RNF212B: variants seen among roughly 807,000 people sequenced by gnomAD.
RNF212B encodes E3 ubiquitin-protein ligase RNF212B.
RNF212B carries 52 observed loss-of-function variants against 55.5 expected under a neutral mutation model. The ratio of observed to expected loss-of-function variants is 0.94; its 90% CI spans 0.75 to 1.18. RNF212B has a LOEUF of 1.18. Ranked by LOEUF, RNF212B falls within the 50% of genes most tolerant of loss-of-function variation. The pLI is 0.00. For missense variants in RNF212B, 289 were observed against 350.4 expected, an observed-to-expected ratio of 0.82 and a Z score of 1.40; for synonymous variants, 99 against 121.4, an observed-to-expected ratio of 0.82 and a Z score of 1.21.
At chr14:23,240,870 T>C (rs893449209) in intron 2 of RNF212B, among the ~76,000 whole-genome samples, 2 of 152,196 alleles carry the variant, frequency 1.3e-5, no homozygotes, top group African/African-American at 4.8e-5. Flanking sequence ...CTTTGCAGCT[T>C]AAAAAGCAGT....
At chr14:23,217,255 T>TGG (rs374552073) in intron 2 of RNF212B, among the ~76,000 whole-genome samples, 2,305 of 23,384 alleles carry the variant, frequency 0.099, 79 homozygotes, top group African/African-American at 0.2. Context: ...GTGGCAGTGG[T>TGG]GGGGGGGGGG....
chr14:23,226,536 C>CA (rs1339425058), intron 2 of RNF212B, among the ~76,000 whole-genome samples: 2 of 151,864 alleles, frequency 1.3e-5, no homozygotes, highest in Admixed American at 6.6e-5. Context: ...GAGGCTGAGG[C>CA]AGGAGAATGG....
intron 2 of RNF212B, among the ~76,000 whole-genome samples, chr14:23,221,231 A>AG (rs1335623748): frequency 6.9e-6 from 1 of 144,364 alleles, no homozygotes; most frequent in African/African-American, 2.5e-5. Flanking sequence ...TACTGAAAAT[A>AG]GGAAAAAAAA....
chr14:23,257,950 T>C (rs1368259224), intron 4 of RNF212B, among the ~76,000 whole-genome samples: 2 of 152,154 alleles, frequency 1.3e-5, no homozygotes, highest in African/African-American at 2.4e-5. Flanking sequence ...ATTCTAAGCT[T>C]GAAAAACAGT....
chr14:23,255,740 C>T (rs1884780775), intron 4 of RNF212B, among the ~76,000 whole-genome samples: 1 of 152,090 alleles, frequency 6.6e-6, no homozygotes, highest in African/African-American at 2.4e-5. Context: ...AGCAAGCAAA[C>T]AAAAGTTAAT....
chr14:23,242,081 CAAAAAAAAAAAAAAA>C (rs58497672), intron 2 of RNF212B, among the ~76,000 whole-genome samples: 2 of 36,646 alleles, frequency 5.5e-5, no homozygotes, highest in South Asian at 2.5e-3. Flanking sequence ...GACTCCGTCT[CAAAAAAAAAAAAAAA>C]AAAAAAAAAA....
chr14:23,240,034 C>CA (rs5807213), intron 1 of RNF212B, among the ~76,000 whole-genome samples: 2,590 of 138,298 alleles, frequency 0.019, 52 homozygotes, highest in African/African-American at 0.05. Context: ...CCTCACCACT[C>CA]AAAAAAAAAA....
At position 23,272,952 on chromosome 14, in the gene RNF212B, C is replaced by A; in HGVS notation, c.*61C>A. ...AGGATGGACTGTAGCTTCCAGTACG[C>A]ATTAGGGGTGATGGCCCTGGAAAAT... On this transcript the variant is annotated 3_prime_UTR_variant, in exon 15 of 15. Transcript: ENST00000430154. The A allele has an allele frequency of 1.0e-6, 1 of 959,008 alleles. No individual in the cohort carries two copies. Among genetic ancestry groups the A allele is most frequent in the Non-Finnish European group, 1.5e-6 (1 of 649,774 alleles). The allele number at this position is 959,008 out of a possible 1,614,324, so 59.4% of individuals were successfully genotyped here.
intron 1 of RNF212B, among the ~76,000 whole-genome samples, chr14:23,191,005 C>T (rs940415495): frequency 6.6e-6 from 1 of 152,204 alleles, no homozygotes; most frequent in East Asian, 1.9e-4. Flanking sequence ...ACATCATGCA[C>T]ATCCCTCTGC....
chr14:23,256,177 A>C (rs1884817864), intron 4 of RNF212B, among the ~76,000 whole-genome samples: 1 of 152,096 alleles, frequency 6.6e-6, no homozygotes, highest in Non-Finnish European at 1.5e-5. Flanking sequence ...TCTTGATGCT[A>C]GCCTGATTTT....
intron 2 of RNF212B, among the ~76,000 whole-genome samples, chr14:23,216,251 AAC>A (rs1416568634): frequency 6.6e-6 from 1 of 152,192 alleles, no homozygotes; most frequent in Non-Finnish European, 1.5e-5. Context: ...ATTTCAAAAA[AAC>A]AAAAACAAAA....
chr14:23,208,822 G>C (rs944050801), intron 2 of RNF212B, among the ~76,000 whole-genome samples: 6 of 142,104 alleles, frequency 4.2e-5, no homozygotes, highest in African/African-American at 1.7e-4. Flanking sequence ...GCAATGGCGC[G>C]ATCTCAGGTC....
intron 2 of RNF212B, among the ~76,000 whole-genome samples, chr14:23,232,794 G>GGA (rs1882800562): frequency 6.8e-6 from 1 of 147,364 alleles, no homozygotes; most frequent in South Asian, 2.2e-4. Flanking sequence ...TGGGGGGGGG[G>GGA]TCAGCCTCTG....
chr14:23,221,644 T>C (rs1401469654), intron 2 of RNF212B, among the ~76,000 whole-genome samples: 2 of 152,148 alleles, frequency 1.3e-5, no homozygotes, highest in Non-Finnish European at 2.9e-5. Flanking sequence ...ATGAACCTAA[T>C]AAACATTTGC....
chr14:23,250,813 T>A (rs1884350921), intron 4 of RNF212B, among the ~76,000 whole-genome samples: 1 of 152,178 alleles, frequency 6.6e-6, no homozygotes, highest in Non-Finnish European at 1.5e-5. Flanking sequence ...GAACATTGGT[T>A]CGATCGGGAA....
chr14:23,189,828 C>T (rs1877948293), intron 1 of RNF212B, among the ~76,000 whole-genome samples: 2 of 152,082 alleles, frequency 1.3e-5, no homozygotes, highest in African/African-American at 2.4e-5. Flanking sequence ...AAAAAATGAA[C>T]AGAACTTCCC....
At chr14:23,240,572 T>C (rs1020679143) in intron 2 of RNF212B, 127 bp downstream of exon 2, 24 of 553,908 alleles carry the variant, frequency 4.3e-5, no homozygotes, top group Non-Finnish European at 7.0e-5. Flanking sequence ...AAAGATACTG[T>C]AGGAAACTGT....
chr14:23,199,980 T>C (rs1234537764), intron 2 of RNF212B, among the ~76,000 whole-genome samples: 1 of 151,562 alleles, frequency 6.6e-6, no homozygotes, highest in Non-Finnish European at 1.5e-5. Flanking sequence ...AAGAAACAAT[T>C]AGAATTCAGC....
chr14:23,270,585 C>G lies in RNF212B; in HGVS notation c.773-15C>G, dbSNP rs1886003354. 1 of 1,542,600 alleles carries G rather than the reference C, an allele frequency of 6.5e-7. No homozygotes were observed. The highest frequency in any genetic ancestry group is 2.0e-5 in the Admixed American group (1 of 50,982). On this transcript the variant is annotated splice_polypyrimidine_tract_variant and intron_variant, in intron 13 of 14. Coordinates refer to ENST00000430154, the MANE Select transcript of RNF212B (RefSeq NM_001282322.3). ...CCAAGTAAGTTATCTTTCACTGTTC[C>G]ATTCTATCCTTCAGCTCAGAGGGAG...
Sources: gnomAD v4.1 joint callset for allele counts (sites outside exome capture counted in the v4.1 genomes callset) on GRCh38, gnomAD v4.1.1 for gene constraint, MANE v1.5 for transcripts, NCBI Gene and HGNC (gene_info 2026-07-23, HGNC 2026-07-21) for gene names.